FARS2: variants seen among roughly 807,000 people sequenced by gnomAD.
FARS2 encodes the protein phenylalanyl-tRNA synthetase 2, mitochondrial, also known as phenylalanine--tRNA ligase, mitochondrial.
Under a neutral mutation model 46.4 loss-of-function variants are expected in FARS2, and 40 were observed. The observed-to-expected ratio is 0.86, with a 90% CI of 0.67 to 1.12. The LOEUF (loss-of-function observed/expected upper bound fraction) is 1.12. Among genes scored for constraint, FARS2 ranks in the 50% most tolerant of loss-of-function variants. The pLI is 0.00. For synonymous variants in FARS2, 234 were observed against 214.9 expected, an observed-to-expected ratio of 1.09 and a Z score of -0.78; for missense variants, 513 against 567.9, an observed-to-expected ratio of 0.90 and a Z score of 0.98.
At chr6:5,384,155 A>G (rs976020891) in intron 2 of FARS2, among the ~76,000 whole-genome samples, 1 of 152,142 alleles carries the variant, frequency 6.6e-6, no homozygotes, top group Admixed American at 6.5e-5. Flanking sequence ...ATTTCCATGT[A>G]ATTTGTGTGC....
chr6:5,548,711 T>C (rs1771188800), intron 5 of FARS2, among the ~76,000 whole-genome samples: 1 of 152,204 alleles, frequency 6.6e-6, no homozygotes, highest in Admixed American at 6.5e-5. Flanking sequence ...CTTACAACAA[T>C]CTTTTTTTAT....
intron 6 of FARS2, among the ~76,000 whole-genome samples, chr6:5,693,997 G>C (rs1198930542): frequency 6.6e-6 from 1 of 152,226 alleles, no homozygotes; most frequent in Non-Finnish European, 1.5e-5. Flanking sequence ...CCATTTTCAA[G>C]GCAAGAGGTC....
intron 5 of FARS2, among the ~76,000 whole-genome samples, chr6:5,576,081 G>T (rs4960105): frequency 6.6e-6 from 1 of 151,926 alleles, no homozygotes; most frequent in East Asian, 1.9e-4. Context: ...ACTTTAAAAC[G>T]ATTGAGTCTC....
chr6:5,391,543 G>T (rs1443266957), intron 2 of FARS2, among the ~76,000 whole-genome samples: 2 of 151,604 alleles, frequency 1.3e-5, no homozygotes, highest in East Asian at 3.9e-4. Context: ...AAGGCAGATT[G>T]TATAGATGAA....
At chr6:5,769,729 A>G (rs1762935365) in intron 6 of FARS2, among the ~76,000 whole-genome samples, 3 of 152,182 alleles carry the variant, frequency 2.0e-5, no homozygotes, top group Non-Finnish European at 2.9e-5. Context: ...GGGAATCCCC[A>G]GGAGGTCCCT....
At chr6:5,405,088 C>T (rs946328375) in intron 3 of FARS2, among the ~76,000 whole-genome samples, 5 of 152,028 alleles carry the variant, frequency 3.3e-5, no homozygotes, top group African/African-American at 2.4e-5. Flanking sequence ...TGAGCCACCG[C>T]GCCAGGCCTG....
At chr6:5,327,421 G>A (rs1770469819) in intron 1 of FARS2, among the ~76,000 whole-genome samples, 1 of 152,160 alleles carries the variant, frequency 6.6e-6, no homozygotes, top group African/African-American at 2.4e-5. Context: ...ATCCCCACGT[G>A]TCATGGGAGG....
chr6:5,383,958 C>T (rs28419268), intron 2 of FARS2, among the ~76,000 whole-genome samples: 35,526 of 151,832 alleles, frequency 0.23, 5,268 homozygotes, highest in East Asian at 0.42. Context: ...CTCTTTCTCT[C>T]TGTTTGATCT....
intron 1 of FARS2, among the ~76,000 whole-genome samples, chr6:5,273,329 C>T (rs926575709): frequency 1.3e-5 from 2 of 152,108 alleles, no homozygotes; most frequent in African/African-American, 4.8e-5. Flanking sequence ...GTGCCGGCAT[C>T]TTTTATTCCC....
chr6:5,651,820 A>G (rs1777380302), intron 6 of FARS2, among the ~76,000 whole-genome samples: 1 of 152,200 alleles, frequency 6.6e-6, no homozygotes, highest in African/African-American at 2.4e-5. Flanking sequence ...GTGCTTAATC[A>G]TTAGTCTAAA....
rs117479080 is a variant in FARS2, at chr6:5,407,923, G to A, written c.772+3222G>A. On this transcript the variant is annotated intron_variant, in intron 3 of 6. Transcript: ENST00000274680. Reference sequence around the variant, plus strand: ...TTTTAGAGGCAGGGTGAGGTAGAAGGGATTCTAGTATTTTAAGGAGGTAGC... The same window carrying A: ...TTTTAGAGGCAGGGTGAGGTAGAAGAGATTCTAGTATTTTAAGGAGGTAGC... Among the ~76,000 whole-genome samples the A allele has an allele frequency of 9.1e-4, 139 of 152,208 alleles. 4 individuals are homozygous for A. The East Asian group carries it at 0.023, about 25-fold the overall frequency.
At position 5,765,545 on chromosome 6, in the gene FARS2, GGGCCCTGTA is replaced by G. The variant is rs916037498; in HGVS notation, c.1218-5744_1218-5736del. Among the ~76,000 whole-genome samples the G allele has an allele frequency of 1.3e-5, 2 of 152,148 alleles. No individual in the cohort carries two copies. Among genetic ancestry groups the G allele is most frequent in the African/African-American group, 4.8e-5 (2 of 41,434 alleles). ...GCAGGATAACCTGAAGCCCTCTGGT[GGGCCCTGTA>G]GTGCCGCACTGTACTAGACAAACAG... On this transcript the variant is annotated intron_variant, in intron 6 of 6. Coordinates refer to ENST00000274680, the MANE Select transcript of FARS2 (RefSeq NM_006567.5). This position sits in a 1 kb window ranked among gnomAD's most constrained non-coding sequence, Gnocchi z 4.0.
upstream of FARS2, among the ~76,000 whole-genome samples, chr6:5,258,326 TTGC>T (rs1764780140): frequency 6.6e-6 from 1 of 152,272 alleles, no homozygotes; most frequent in South Asian, 2.1e-4. Context: ...CTGCTTTTGA[TTGC>T]TTATTCAGCA....
At chr6:5,266,554 A>G (rs979046786) in intron 1 of FARS2, among the ~76,000 whole-genome samples, 1 of 152,192 alleles carries the variant, frequency 6.6e-6, no homozygotes, top group African/African-American at 2.4e-5. Flanking sequence ...TTATTTAGCC[A>G]GGGTCACACA....
At chr6:5,360,653 C>G (rs1431773641) in intron 1 of FARS2, among the ~76,000 whole-genome samples, 1 of 152,096 alleles carries the variant, frequency 6.6e-6, no homozygotes, top group East Asian at 1.9e-4. Flanking sequence ...TAAGAATAAC[C>G]CCCAAGTATT....
chr6:5,316,912 G>C (rs1432760132), intron 1 of FARS2, among the ~76,000 whole-genome samples: 1 of 152,162 alleles, frequency 6.6e-6, no homozygotes, highest in Non-Finnish European at 1.5e-5. Context: ...CCCAGCTCTT[G>C]CCCCTTCTAG....
At chr6:5,409,756 C>T (rs1390117709) in intron 3 of FARS2, among the ~76,000 whole-genome samples, 1 of 152,160 alleles carries the variant, frequency 6.6e-6, no homozygotes, top group Non-Finnish European at 1.5e-5. Flanking sequence ...TCCTTTGAGC[C>T]ATGGTCATTT....
At chr6:5,625,895 G>C (rs764170355) in intron 6 of FARS2, among the ~76,000 whole-genome samples, 1 of 152,200 alleles carries the variant, frequency 6.6e-6, no homozygotes, top group Admixed American at 6.5e-5. Context: ...TCTCAGATGC[G>C]CAGGTGGTGG....
At chr6:5,581,220 A>C (rs768713546) in intron 5 of FARS2, among the ~76,000 whole-genome samples, 4 of 152,244 alleles carry the variant, frequency 2.6e-5, no homozygotes, top group Non-Finnish European at 5.9e-5. Context: ...CACCGAGTGC[A>C]GCTGAGGAGA....
Sources: allele counts gnomAD v4.1 joint callset (sites outside exome capture counted in the v4.1 genomes callset), GRCh38; gene constraint gnomAD v4.1.1; non-coding constraint Gnocchi (gnomAD v3.1); transcripts MANE v1.5; gene names NCBI Gene and HGNC (gene_info 2026-07-23, HGNC 2026-07-21).